CEP295: variants seen among roughly 807,000 people sequenced by gnomAD.
CEP295 encodes centrosomal protein of 295 kDa.
CEP295 carries 190 observed loss-of-function variants against 291.6 expected under a neutral mutation model. That is an observed-to-expected ratio of 0.65 (90% CI 0.58 to 0.73). The LOEUF (loss-of-function observed/expected upper bound fraction) is 0.73, where lower values mean the gene tolerates loss of function less well. Ranked by LOEUF, CEP295 falls within the 30% of genes least tolerant of loss-of-function variation. CEP295 has a pLI of 0.00. For synonymous variants in CEP295, 993 were observed against 1,038.8 expected, an observed-to-expected ratio of 0.96 and a Z score of 0.85; for missense variants, 2,863 against 2,949.4, an observed-to-expected ratio of 0.97 and a Z score of 0.68.
Position 93,725,730 on chromosome 11 carries a change from C to A in CEP295, c.6398C>A (p.Thr2133Asn). 1 of 1,551,740 alleles carries A rather than the reference C, an allele frequency of 6.4e-7. No homozygotes were observed. Among genetic ancestry groups the A allele is most frequent in the Non-Finnish European group, 8.7e-7 (1 of 1,146,878 alleles). ...STVYFTALRR[T>N]SMHSSLNTSP... ...GTTTATTTCACAGCACTGAGGAGGA[C>A]CAGCATGCATTCTTCTCTTAACACA... The change falls in exon 23 of 30, where the codon ACC becomes AAC. Residue 2133 changes from threonine (T) to asparagine (N), a missense_variant. Physicochemically the swap from Thr to Asn is moderately conservative, Grantham distance 65 (BLOSUM62 0). This residue lies in a region of CEP295 where 2,295 missense variants were observed against 2,335.7 expected (regional missense o/e 0.98). Coordinates refer to ENST00000325212, the MANE Select transcript of CEP295 (RefSeq NM_033395.2).
chr11:93,667,365 T>C lies in CEP295; in HGVS notation c.109-242T>C, dbSNP rs1950242190. Reference sequence around the variant, plus strand: ...ATTAGAGTGATAATGGCAGTCCTTTTGGGAGTGGGCGCTGAATAAAAGCTA... The same window carrying C: ...ATTAGAGTGATAATGGCAGTCCTTTCGGGAGTGGGCGCTGAATAAAAGCTA... On this transcript the variant is annotated intron_variant, in intron 2 of 29. Coordinates refer to ENST00000325212, the MANE Select transcript of CEP295 (RefSeq NM_033395.2). Among the ~76,000 whole-genome samples, 3 of 152,302 alleles carry C rather than the reference T, an allele frequency of 2.0e-5. No individual in the cohort carries two copies. The South Asian group carries it at 6.2e-4, about 32-fold the overall frequency.
rs1442780864 is a variant in CEP295, at chr11:93,697,972, A to G, written c.3060A>G (p.Gln1020=). 1 of 1,551,690 alleles carries G rather than the reference A, an allele frequency of 6.4e-7. No homozygotes were observed. Among genetic ancestry groups the G allele is most frequent in the Non-Finnish European group, 8.7e-7 (1 of 1,146,984 alleles). The change falls in exon 15 of 30, where the codon CAA becomes CAG. Residue 1020 remains glutamine (Q), a synonymous_variant. Transcript: ENST00000325212. ...ADTKSGKIQE[Q]HSSKSEKGLV... is the part of the protein sequence containing the mutation. ...CAAAATCTGGAAAAATACAGGAGCA[A>G]CATTCATCTAAGAGCGAGAAAGGAC...
intron 18 of CEP295, among the ~76,000 whole-genome samples, chr11:93,708,140 G>T (rs1270193511): frequency 6.6e-6 from 1 of 151,778 alleles, no homozygotes; most frequent in Non-Finnish European, 1.5e-5. Flanking sequence ...TGGTAAATGG[G>T]GTATCCATCA....
At chr11:93,663,422 G>A (rs183086117) in intron 1 of CEP295, among the ~76,000 whole-genome samples, 3 of 152,266 alleles carry the variant, frequency 2.0e-5, no homozygotes, top group East Asian at 1.9e-4. Context: ...CCATCTTAGC[G>A]TCTGCTTTTT....
Position 93,697,037 on chromosome 11 carries a change from C to T in CEP295, c.2125C>T (p.His709Tyr), listed in dbSNP as rs1432063136. The change falls in exon 15 of 30, where the codon CAT (histidine) becomes TAT (tyrosine). Residue 709 changes from histidine to tyrosine, a missense_variant. Physicochemically the swap from His to Tyr is moderately conservative, Grantham distance 83. Coordinates refer to ENST00000325212, the MANE Select transcript of CEP295 (RefSeq NM_033395.2). ...CAATCAAGCTTTAGAATCACAAGAA[C>T]ATCTAAGGCAATTCTCTCAGACTGA... The part of the protein sequence containing the change: ...LTNQALESQE[H>Y]LRQFSQTETQ... 2.6e-6 allele frequency: 4 copies of T among 1,551,398 alleles called. No homozygotes were observed. Among genetic ancestry groups the T allele is most frequent in the Non-Finnish European group, 3.5e-6 (4 of 1,146,990 alleles).
chr11:93,686,217 G>A (rs995078624), intron 9 of CEP295, among the ~76,000 whole-genome samples: 1 of 151,964 alleles, frequency 6.6e-6, no homozygotes, highest in Admixed American at 6.5e-5. Context: ...TACATGGGAG[G>A]CTGAGGCAGG....
chr11:93,678,666 G>A (rs573209538), intron 6 of CEP295, among the ~76,000 whole-genome samples: 3 of 152,058 alleles, frequency 2.0e-5, no homozygotes, highest in East Asian at 1.9e-4. Context: ...GGTAGCTTAC[G>A]CCTGTAATCT....
Position 93,721,408 on chromosome 11 carries a change from A to ATT in CEP295, c.5847_5848insTT (p.Lys1950LeufsTer22). 2 of 1,580,100 alleles carry ATT rather than the reference A, an allele frequency of 1.3e-6. No individual in the cohort carries two copies. Among genetic ancestry groups the ATT allele is most frequent in the African/African-American group, 2.7e-5 (2 of 74,378 alleles). ...TTGGGTCCAACTGTGAAGCCAGATGATAAGGTTAGTAATGTCTTAATGTTC... is the reference window on the plus strand; with the variant it reads ...TTGGGTCCAACTGTGAAGCCAGATGATTTAAGGTTAGTAATGTCTTAATGTTC... On this transcript the variant is annotated frameshift_variant, in exon 19 of 30. Transcript: ENST00000325212. LOFTEE classifies it high-confidence loss of function.
chr11:93,729,133 A>G (rs1172845514), intron 25 of CEP295: 2 of 499,748 alleles, frequency 4.0e-6, no homozygotes, highest in Non-Finnish European at 7.0e-6. Flanking sequence ...TGACTTCAGA[A>G]CAACTGGTAA....
Position 93,666,724 on chromosome 11 carries a change from T to C in CEP295, c.17T>C (p.Val6Ala). 1 of 1,538,354 alleles carries C rather than the reference T, an allele frequency of 6.5e-7. No individual in the cohort carries two copies. The highest frequency in any genetic ancestry group is 1.2e-5 in the South Asian group (1 of 83,114). Residue 6 changes from valine (V) to alanine (A), a missense_variant, in exon 2 of 30, where the codon GTG (valine) becomes GCG (alanine). Transcript: ENST00000325212. Reference protein sequence around the residue: MKRKVVNTHKLRLSPN... With the variant: MKRKVANTHKLRLSPN... ...TACACAGAAATGAAGAGAAAAGTCG[T>C]GAATACTCACAAGCTGAGATTGAGT... is the stretch of plus-strand genomic sequence containing the variant.
intron 4 of CEP295, among the ~76,000 whole-genome samples, chr11:93,669,192 A>G (rs1950320014): frequency 6.6e-6 from 1 of 152,104 alleles, no homozygotes; most frequent in African/African-American, 2.4e-5. Context: ...ATATATGGCT[A>G]CTTCAGAATG....
intron 23 of CEP295, chr11:93,726,689 C>G (rs1029947848): frequency 4.0e-6 from 1 of 252,628 alleles, no homozygotes; most frequent in African/African-American, 2.2e-5. Context: ...ATTCTCTTTT[C>G]TGTTATTAAA....
chr11:93,708,490 C>G (rs1316924864), intron 18 of CEP295, among the ~76,000 whole-genome samples: 1 of 152,066 alleles, frequency 6.6e-6, no homozygotes, highest in East Asian at 1.9e-4. Flanking sequence ...GATTTTGTTC[C>G]TTTTTATGGC....
At chr11:93,725,463 C>G (rs1954075020) in intron 22 of CEP295, among the ~76,000 whole-genome samples, 188 bp from the exon 23 acceptor site, 1 of 152,182 alleles carries the variant, frequency 6.6e-6, no homozygotes, top group Non-Finnish European at 1.5e-5. Context: ...GCTTCCACTT[C>G]CTGATGGCCT....
At chr11:93,715,663 A>T (rs1953193517) in intron 18 of CEP295, among the ~76,000 whole-genome samples, 1 of 151,828 alleles carries the variant, frequency 6.6e-6, no homozygotes, top group Non-Finnish European at 1.5e-5. Flanking sequence ...CTTGGCTACC[A>T]CTGCTAGGAC....
chr11:93,718,598 T>A (rs1269805434), intron 18 of CEP295, among the ~76,000 whole-genome samples: 2 of 152,164 alleles, frequency 1.3e-5, no homozygotes, highest in Admixed American at 6.5e-5. Flanking sequence ...TATTCATACC[T>A]CCACTGAGGG....
At chr11:93,722,158 T>C in intron 20 of CEP295, 108 bp downstream of exon 20, 1 of 692,032 alleles carries the variant, frequency 1.4e-6, no homozygotes, top group Non-Finnish European at 2.5e-6. Flanking sequence ...CATGGGGAAC[T>C]ATTTCTCTAA....
At chr11:93,668,065 T>C (rs1480657629) in intron 3 of CEP295, among the ~76,000 whole-genome samples, 1 of 152,160 alleles carries the variant, frequency 6.6e-6, no homozygotes, top group African/African-American at 2.4e-5. Context: ...CCAGTACTCC[T>C]CTATCTGGGG....
intron 17 of CEP295, among the ~76,000 whole-genome samples, chr11:93,706,062 C>T (rs954361278): frequency 1.3e-5 from 2 of 152,108 alleles, no homozygotes; most frequent in African/African-American, 4.8e-5. Flanking sequence ...CCCCTGGACC[C>T]CAGAGTGTAT....
Sources: allele counts gnomAD v4.1 joint callset (sites outside exome capture counted in the v4.1 genomes callset), GRCh38; gene constraint gnomAD v4.1.1; regional missense constraint gnomAD v4.1.1; transcripts MANE v1.5; gene names NCBI Gene and HGNC (gene_info 2026-07-23, HGNC 2026-07-21).